Variants in PRKDC observed in about 807,000 individuals in gnomAD.
PRKDC encodes protein kinase, DNA-activated, catalytic subunit, also known as DNA-dependent protein kinase catalytic subunit.
In PRKDC, 82 loss-of-function variants were observed where a neutral mutation model predicts 486.9. The ratio of observed to expected loss-of-function variants is 0.17; its 90% CI spans 0.14 to 0.20. The LOEUF (loss-of-function observed/expected upper bound fraction) is 0.20. PRKDC is among the 10% of genes least tolerant of loss of function. The pLI is 1.00. For synonymous variants in PRKDC, 1,895 were observed against 1,837.0 expected, an observed-to-expected ratio of 1.03 and a Z score of -0.81; for missense variants, 4,504 against 5,038.2, an observed-to-expected ratio of 0.89 and a Z score of 3.21.
At chr8:47,792,499 C>G (rs979297584) in intron 74 of PRKDC, among the ~76,000 whole-genome samples, 1 of 152,056 alleles carries the variant, frequency 6.6e-6, no homozygotes, top group African/African-American at 2.4e-5. Flanking sequence ...ACCTCCTGAT[C>G]CGCCCACTTC....
intron 27 of PRKDC, among the ~76,000 whole-genome samples, chr8:47,901,450 G>C (rs1171069547): frequency 1.3e-5 from 2 of 151,788 alleles, no homozygotes; most frequent in Non-Finnish European, 2.9e-5. Flanking sequence ...CTCCAGCCTG[G>C]GTGACAGAGC....
intron 63 of PRKDC, among the ~76,000 whole-genome samples, chr8:47,826,232 A>C (rs1482298097): frequency 6.6e-6 from 1 of 152,244 alleles, no homozygotes; most frequent in African/African-American, 2.4e-5. Context: ...GAATCTGTTT[A>C]TCCCAAATAA....
intron 71 of PRKDC, among the ~76,000 whole-genome samples, chr8:47,799,928 T>C (rs8178222): frequency 6.6e-6 from 1 of 152,194 alleles, no homozygotes; most frequent in East Asian, 1.9e-4. Context: ...TGGTGATGGG[T>C]GGGGAAATTT....
chr8:47,958,707 A>G (rs1470448014), intron 1 of PRKDC, among the ~76,000 whole-genome samples: 1 of 151,782 alleles, frequency 6.6e-6, no homozygotes, highest in South Asian at 2.1e-4. Flanking sequence ...CAACAGATAG[A>G]GTACATATAG....
intron 39 of PRKDC, among the ~76,000 whole-genome samples, chr8:47,878,304 A>G (rs1433400740): frequency 6.6e-6 from 1 of 151,986 alleles, no homozygotes; most frequent in Non-Finnish European, 1.5e-5. Flanking sequence ...ACGGGGTTTC[A>G]CCGTGTTAGC....
At chr8:47,915,547 G>A (rs1252807083) in intron 22 of PRKDC, 129 bp from the exon 23 acceptor site, 2 of 571,688 alleles carry the variant, frequency 3.5e-6, no homozygotes, top group Non-Finnish European at 6.0e-6. Flanking sequence ...AAACTTTTTG[G>A]CAGGATCCTT....
chr8:47,827,933 C>A (rs1484839839), intron 62 of PRKDC, among the ~76,000 whole-genome samples: 1 of 152,160 alleles, frequency 6.6e-6, no homozygotes, highest in Admixed American at 6.5e-5. Context: ...TGGCTTATTA[C>A]AAAATAAAAC....
rs959545204 is a variant in PRKDC at position 47,831,674 on chromosome 8, G to A, written c.8265+140C>T. ...GCTGCATCCCTGTGGGGGAGCCCCA[G>A]GAGGCTGGTTTGGAGCAGTCCCGCA... On this transcript the variant is annotated intron_variant, in intron 60 of 85. Transcript: ENST00000314191. 2.6e-5 allele frequency: 22 copies of A among 835,818 alleles called. No homozygotes were observed. In the African/African-American group the frequency reaches 3.0e-4, roughly 11 times the overall value. 51.8% of individuals were successfully genotyped at this position (835,818 alleles called of 1,614,324 possible). A position where few individuals can be genotyped will look rare whatever the true frequency, so the allele number is the denominator to read the frequency against.
At chr8:47,946,872 TCA>T (rs1169324349) in intron 7 of PRKDC, among the ~76,000 whole-genome samples, 3 of 152,050 alleles carry the variant, frequency 2.0e-5, no homozygotes, top group African/African-American at 4.8e-5. Context: ...AGTCCCTCAC[TCA>T]CAGTCTCTCA....
chr8:47,841,118 C>T (rs913499255), intron 54 of PRKDC, among the ~76,000 whole-genome samples: 8 of 152,144 alleles, frequency 5.3e-5, no homozygotes, highest in South Asian at 2.1e-4. Context: ...GGGCAATCCA[C>T]GCTCGCCGTG....
chr8:47,831,930 G>A lies in PRKDC; in HGVS notation c.8153-4C>T. On this transcript the variant is annotated splice_region_variant and splice_polypyrimidine_tract_variant and intron_variant, in intron 59 of 85. Coordinates refer to ENST00000314191, the MANE Select transcript of PRKDC (RefSeq NM_006904.7). ...AGGTCCGTCCGGCCGGCCGCACCTG[G>A]AGAGGGAAAGCAGGCCCAGTTACTC... The A allele has an allele frequency of 6.2e-7, 1 of 1,609,600 alleles. No individual in the cohort carries two copies. Among genetic ancestry groups the A allele is most frequent in the Admixed American group, 1.7e-5 (1 of 59,888 alleles).
At chr8:47,795,771 G>T (rs1563738439) in intron 73 of PRKDC, among the ~76,000 whole-genome samples, 1 of 152,112 alleles carries the variant, frequency 6.6e-6, no homozygotes. Flanking sequence ...GGGATTACAG[G>T]CATGAGCCAC....
intron 40 of PRKDC, among the ~76,000 whole-genome samples, chr8:47,869,636 AAGG>A (rs1181233154): frequency 6.6e-6 from 1 of 151,730 alleles, no homozygotes; most frequent in Admixed American, 6.6e-5. Context: ...TGCTTGAGAG[AAGG>A]AGAAGTAAGA....
At chr8:47,904,831 C>T (rs767037742) in intron 26 of PRKDC, 38 bp downstream of exon 26, 4 of 1,353,950 alleles carry the variant, frequency 3.0e-6, no homozygotes, top group East Asian at 2.3e-5. Flanking sequence ...TACAACTAAT[C>T]GATGGGAGTA....
chr8:47,869,060 G>A (rs2088884755), intron 40 of PRKDC, among the ~76,000 whole-genome samples: 1 of 152,128 alleles, frequency 6.6e-6, no homozygotes, highest in Non-Finnish European at 1.5e-5. Context: ...GGGCTAAAGT[G>A]CCTTGGGGTC....
At chr8:47,952,811 C>T (rs1266341011) in intron 7 of PRKDC, among the ~76,000 whole-genome samples, 2 of 152,052 alleles carry the variant, frequency 1.3e-5, no homozygotes, top group Non-Finnish European at 2.9e-5. Flanking sequence ...TGAGAACAGC[C>T]TGGCCAACAT....
chr8:47,826,903 C>G, intron 62 of PRKDC, 42 bp from the exon 63 acceptor site: 1 of 1,509,336 alleles, frequency 6.6e-7, no homozygotes, highest in Non-Finnish European at 8.9e-7. Flanking sequence ...GCTTGTGGTA[C>G]TTGGACCATG....
intron 52 of PRKDC, among the ~76,000 whole-genome samples, chr8:47,851,154 GATA>G (rs1474372557): frequency 3.9e-5 from 6 of 152,102 alleles, no homozygotes; most frequent in Non-Finnish European, 8.8e-5. Flanking sequence ...AAATTTCTAC[GATA>G]AATCCGTATC....
chr8:47,907,533 CT>C (rs1028272336), intron 25 of PRKDC, among the ~76,000 whole-genome samples: 1,594 of 133,130 alleles, frequency 0.012, 15 homozygotes, highest in African/African-American at 0.028. Context: ...ATTTATATAC[CT>C]TTTTTTTTTT....
Sources: allele counts gnomAD v4.1 joint callset (sites outside exome capture counted in the v4.1 genomes callset), GRCh38; gene constraint gnomAD v4.1.1; transcripts MANE v1.5; gene names NCBI Gene and HGNC (gene_info 2026-07-23, HGNC 2026-07-21).